GRID1: variants seen among roughly 807,000 people sequenced by gnomAD.
GRID1 encodes glutamate ionotropic receptor delta type subunit 1.
GRID1 carries 28 observed loss-of-function variants against 98.0 expected under a neutral mutation model. That is an observed-to-expected ratio of 0.29 (90% CI 0.21 to 0.39). The LOEUF (loss-of-function observed/expected upper bound fraction) is 0.39. Among genes scored for constraint, GRID1 ranks in the 10% least tolerant of loss-of-function variants. The pLI is 1.00. For synonymous variants in GRID1, 553 were observed against 538.5 expected, an observed-to-expected ratio of 1.03 and a Z score of -0.37; for missense variants, 1,111 against 1,340.5, an observed-to-expected ratio of 0.83 and a Z score of 2.67.
At chr10:86,085,697 C>T (rs1196323069) in intron 4 of GRID1, among the ~76,000 whole-genome samples, 4 of 152,118 alleles carry the variant, frequency 2.6e-5, no homozygotes, top group Admixed American at 2.0e-4. Context: ...GCTGTCACCT[C>T]CATCCAATGG....
intron 14 of GRID1, among the ~76,000 whole-genome samples, chr10:85,616,933 G>A (rs1186662706): frequency 6.6e-6 from 1 of 152,128 alleles, no homozygotes; most frequent in Non-Finnish European, 1.5e-5. Flanking sequence ...TGCCCCAACT[G>A]CATGCTGTGG....
At chr10:86,304,201 C>G (rs1302093697) in intron 2 of GRID1, among the ~76,000 whole-genome samples, 1 of 152,224 alleles carries the variant, frequency 6.6e-6, no homozygotes, top group Non-Finnish European at 1.5e-5. Context: ...AAAATGCATT[C>G]TGCCCCTCGG....
intron 5 of GRID1, among the ~76,000 whole-genome samples, chr10:85,877,210 C>T (rs1246652217): frequency 6.6e-6 from 1 of 152,232 alleles, no homozygotes; most frequent in Non-Finnish European, 1.5e-5. Context: ...CAGCAGTAAC[C>T]TCTGCAAACT....
intron 4 of GRID1, among the ~76,000 whole-genome samples, chr10:85,962,783 T>C (rs1407507162): frequency 6.6e-6 from 1 of 152,204 alleles, no homozygotes. Context: ...CACTCAGTAC[T>C]ACCCTTCCAG....
intron 12 of GRID1, among the ~76,000 whole-genome samples, chr10:85,691,755 T>A (rs1045778731): frequency 4.6e-5 from 7 of 152,190 alleles, no homozygotes; most frequent in African/African-American, 9.7e-5. Context: ...CCCTCATTTT[T>A]AAAATGTGAA....
chr10:86,197,166 A>G (rs1226847584), intron 3 of GRID1, among the ~76,000 whole-genome samples: 1 of 151,658 alleles, frequency 6.6e-6, no homozygotes, highest in Non-Finnish European at 1.5e-5. Flanking sequence ...ATAGAGTTCC[A>G]TTTTTAAATA....
At chr10:85,907,378 C>T (rs1589294628) in intron 5 of GRID1, among the ~76,000 whole-genome samples, 1 of 152,182 alleles carries the variant, frequency 6.6e-6, no homozygotes, top group African/African-American at 2.4e-5. Flanking sequence ...TCCCAAAGTG[C>T]TGGGATTACA....
At chr10:85,780,693 G>A (rs1842373688) in intron 8 of GRID1, among the ~76,000 whole-genome samples, 1 of 151,868 alleles carries the variant, frequency 6.6e-6, no homozygotes, top group African/African-American at 2.4e-5. Context: ...GAGGCAGATA[G>A]TACAGGTCAG....
chr10:85,725,736 A>AT (rs35201125), intron 10 of GRID1, among the ~76,000 whole-genome samples: 1 of 152,162 alleles, frequency 6.6e-6, no homozygotes, highest in Admixed American at 6.5e-5. Context: ...ACGTGGAAGG[A>AT]TTTTTTCAAG....
intron 2 of GRID1, among the ~76,000 whole-genome samples, chr10:86,256,980 C>G (rs539660319): frequency 6.6e-6 from 1 of 152,344 alleles, no homozygotes; most frequent in South Asian, 2.1e-4. Context: ...AACACAGCCC[C>G]TGTCCCTTCA....
intron 8 of GRID1, among the ~76,000 whole-genome samples, chr10:85,734,503 T>A (rs1293092190): frequency 6.6e-6 from 1 of 152,184 alleles, no homozygotes; most frequent in African/African-American, 2.4e-5. Context: ...TGTTTTGCTT[T>A]AATACAGACT....
intron 4 of GRID1, among the ~76,000 whole-genome samples, chr10:85,951,415 C>A (rs1490121178): frequency 1.3e-5 from 2 of 151,818 alleles, no homozygotes; most frequent in East Asian, 3.9e-4. Flanking sequence ...TCTGCTTATA[C>A]TAGCTTTAGC....
chr10:85,844,433 A>G lies in GRID1; in HGVS notation c.1233+10063T>C, dbSNP rs1842987744. On this transcript the variant is annotated intron_variant, in intron 8 of 15. Transcript: ENST00000327946. ...AATACAACTAAATACACACACACAC[A>G]CACACACACACACACACACACACAC... 2.7e-5 allele frequency among the ~76,000 whole-genome samples: 3 copies of G among 111,128 alleles called. No individual in the cohort carries two copies. In the Admixed American group the frequency reaches 3.1e-4, roughly 11 times the overall value. The allele number at this position is 111,128 out of a possible 152,430, so 72.9% of individuals were successfully genotyped here. A position where few individuals can be genotyped will look rare whatever the true frequency, so the allele number is the denominator to read the frequency against.
intron 13 of GRID1, chr10:85,646,858 C>T: frequency 3.3e-6 from 1 of 301,164 alleles, no homozygotes. Flanking sequence ...TCCTGCAACT[C>T]TCGCTTGGCA....
chr10:85,863,353 C>G lies in GRID1; in HGVS notation c.951+5657G>C, dbSNP rs146614400. 2.6e-5 allele frequency among the ~76,000 whole-genome samples: 4 copies of G among 152,296 alleles called. No homozygotes were observed. In the East Asian group the frequency reaches 5.8e-4, roughly 22 times the overall value. ...GAATCCCATTTATGAGGGCTCCCCC[C>G]CTCATCACCTCCCAAAGGTCCCACC... On this transcript the variant is annotated intron_variant, in intron 6 of 15. Coordinates refer to ENST00000327946, the MANE Select transcript of GRID1 (RefSeq NM_017551.3).
At chr10:85,852,094 A>G (rs968036682) in intron 8 of GRID1, among the ~76,000 whole-genome samples, 123 of 152,234 alleles carry the variant, frequency 8.1e-4, no homozygotes, top group African/African-American at 2.8e-3. Flanking sequence ...CTAGGCCTGA[A>G]TCACAAACAT....
chr10:86,009,535 T>G (rs1050677574), intron 4 of GRID1, among the ~76,000 whole-genome samples: 6 of 152,304 alleles, frequency 3.9e-5, no homozygotes, highest in African/African-American at 1.2e-4. Flanking sequence ...GGCCACGCTG[T>G]TGAAGATGGA....
At chr10:85,952,102 C>T (rs140103620) in intron 4 of GRID1, among the ~76,000 whole-genome samples, 10 of 152,318 alleles carry the variant, frequency 6.6e-5, no homozygotes, top group East Asian at 1.9e-4. Flanking sequence ...AGACTTACGT[C>T]GATTCTCCTT....
At position 85,837,032 on chromosome 10, in the gene GRID1, A is replaced by G. The variant is rs73332686; in HGVS notation, c.1233+17464T>C. Reference sequence around the variant, plus strand: ...TCACATTGTTAGCATGTGTCTGCACAGGTGGGTTTTGCTTTACTTGCCCTG... The same window carrying G: ...TCACATTGTTAGCATGTGTCTGCACGGGTGGGTTTTGCTTTACTTGCCCTG... On this transcript the variant is annotated intron_variant, in intron 8 of 15. Transcript: ENST00000327946. 5.7e-3 allele frequency among the ~76,000 whole-genome samples: 868 copies of G among 152,290 alleles called. 7 individuals carry two copies. The highest frequency in any genetic ancestry group is 0.02 in the African/African-American group (817 of 41,560).
Sources: allele counts gnomAD v4.1 joint callset (sites outside exome capture counted in the v4.1 genomes callset), GRCh38; gene constraint gnomAD v4.1.1; transcripts MANE v1.5; gene names NCBI Gene and HGNC (gene_info 2026-07-23, HGNC 2026-07-21).